The following HIPK2 variants were observed in gnomAD, a reference collection of about 807,000 sequenced individuals.
HIPK2 encodes the protein homeodomain-interacting protein kinase 2.
A neutral mutation model predicts 113.7 loss-of-function variants in HIPK2; 27 were observed. That is an observed-to-expected ratio of 0.24 (90% CI 0.17 to 0.33). The LOEUF is 0.33. Ranked by LOEUF, HIPK2 falls within the 10% of genes least tolerant of loss-of-function variation. The pLI, the probability that HIPK2 is intolerant of heterozygous loss-of-function variation, is 1.00. For missense variants in HIPK2, 1,257 were observed against 1,588.0 expected, an observed-to-expected ratio of 0.79 and a Z score of 3.54; for synonymous variants, 631 against 642.2, an observed-to-expected ratio of 0.98 and a Z score of 0.26.
chr7:139,727,322 C>T lies in HIPK2; in HGVS notation c.20-10307G>A, dbSNP rs963871863. 7.9e-5 allele frequency among the ~76,000 whole-genome samples: 12 copies of T among 152,174 alleles called. No individual in the cohort carries two copies. In the East Asian group the frequency reaches 2.3e-3, roughly 29 times the overall value. On this transcript the variant is annotated intron_variant, in intron 1 of 14. Transcript: ENST00000406875. Reference sequence around the variant, plus strand: ...GTGGCAGAGCCTGGCTGGGAATGAGCCAATAGCCCTCTTTTCCCACAGGGT... The same window carrying T: ...GTGGCAGAGCCTGGCTGGGAATGAGTCAATAGCCCTCTTTTCCCACAGGGT...
intron 1 of HIPK2, among the ~76,000 whole-genome samples, chr7:139,725,123 C>T (rs374879135): frequency 2.6e-5 from 4 of 152,160 alleles, no homozygotes; most frequent in Non-Finnish European, 2.9e-5. Flanking sequence ...TCTAAGACAT[C>T]GTCACCGACC....
intron 1 of HIPK2, among the ~76,000 whole-genome samples, chr7:139,747,577 A>G (rs1467255800): frequency 6.6e-6 from 1 of 152,176 alleles, no homozygotes; most frequent in African/African-American, 2.4e-5. Flanking sequence ...GCCTCACATT[A>G]AGCATCTCTT....
At chr7:139,709,395 G>A (rs1463439687) in intron 2 of HIPK2, among the ~76,000 whole-genome samples, 2 of 152,192 alleles carry the variant, frequency 1.3e-5, no homozygotes, top group African/African-American at 4.8e-5. Flanking sequence ...ATCTGCACAA[G>A]CTATGCAATT....
At chr7:139,596,440 TG>T (rs1799216435) in intron 12 of HIPK2, among the ~76,000 whole-genome samples, 1 of 152,260 alleles carries the variant, frequency 6.6e-6, no homozygotes, top group South Asian at 2.1e-4. Context: ...TGGCATTGTG[TG>T]CCCGATTTTT....
At chr7:139,662,871 G>A (rs954110113) in intron 2 of HIPK2, among the ~76,000 whole-genome samples, 1 of 151,974 alleles carries the variant, frequency 6.6e-6, no homozygotes, top group Non-Finnish European at 1.5e-5. Context: ...TGCCTGCCTC[G>A]GCCTCCCAAA....
At chr7:139,751,054 T>C (rs1796270339) in intron 1 of HIPK2, among the ~76,000 whole-genome samples, 1 of 152,226 alleles carries the variant, frequency 6.6e-6, no homozygotes, top group Non-Finnish European at 1.5e-5. Context: ...AATTCTTTTA[T>C]GTATCATATG....
intron 2 of HIPK2, among the ~76,000 whole-genome samples, chr7:139,710,342 T>C (rs1324458990): frequency 6.6e-6 from 1 of 152,206 alleles, no homozygotes; most frequent in Non-Finnish European, 1.5e-5. Context: ...CCATGACCCC[T>C]AGACTTCCCC....
chr7:139,657,778 A>T (rs530108891), intron 2 of HIPK2, among the ~76,000 whole-genome samples: 1 of 152,218 alleles, frequency 6.6e-6, no homozygotes, highest in Non-Finnish European at 1.5e-5. Flanking sequence ...ACAAAAACAA[A>T]AACAGAAACA....
intron 2 of HIPK2, among the ~76,000 whole-genome samples, chr7:139,680,705 G>C (rs1352332317): frequency 1.3e-5 from 2 of 152,244 alleles, no homozygotes; most frequent in Admixed American, 6.5e-5. Flanking sequence ...TCTGTGGCAT[G>C]TGTGTGTTCA....
At chr7:139,623,436 G>A (rs1800308460) in intron 6 of HIPK2, among the ~76,000 whole-genome samples, 1 of 151,260 alleles carries the variant, frequency 6.6e-6, no homozygotes, top group South Asian at 2.1e-4. Flanking sequence ...CTTGAACCTG[G>A]GAGGTGGAAG....
chr7:139,674,180 G>T (rs553954534), intron 2 of HIPK2, among the ~76,000 whole-genome samples: 1 of 152,134 alleles, frequency 6.6e-6, no homozygotes, highest in Non-Finnish European at 1.5e-5. Context: ...AATGTTGTGC[G>T]GCACTTTTTA....
chr7:139,763,809 G>C (rs1398398716), intron 1 of HIPK2, among the ~76,000 whole-genome samples: 4 of 152,252 alleles, frequency 2.6e-5, no homozygotes, highest in Non-Finnish European at 5.9e-5. Context: ...CAGCAAAAAA[G>C]TTGCGCTGGT....
chr7:139,758,803 G>T (rs893330166), intron 1 of HIPK2, among the ~76,000 whole-genome samples: 1 of 152,142 alleles, frequency 6.6e-6, no homozygotes, highest in African/African-American at 2.4e-5. Context: ...GGCCAAAAAG[G>T]CTAGGAACTG....
chr7:139,641,061 G>C (rs1210536233), intron 2 of HIPK2, among the ~76,000 whole-genome samples: 1 of 151,990 alleles, frequency 6.6e-6, no homozygotes, highest in Non-Finnish European at 1.5e-5. Context: ...CTACCACCTA[G>C]CTTTAGAAAT....
chr7:139,773,618 GGAGA>G (rs145176496), intron 1 of HIPK2, among the ~76,000 whole-genome samples: 3 of 152,038 alleles, frequency 2.0e-5, no homozygotes, highest in Admixed American at 6.6e-5. Flanking sequence ...TGGGAGGAAG[GGAGA>G]GAGAGAGAGA....
chr7:139,645,709 G>A (rs374398530), intron 2 of HIPK2, among the ~76,000 whole-genome samples: 1 of 152,122 alleles, frequency 6.6e-6, no homozygotes, highest in Non-Finnish European at 1.5e-5. Flanking sequence ...CTCTGGAGAC[G>A]TGCACGCCAT....
intron 1 of HIPK2, among the ~76,000 whole-genome samples, chr7:139,762,886 T>C (rs1018616869): frequency 1.3e-5 from 2 of 152,052 alleles, no homozygotes; most frequent in East Asian, 1.9e-4. Flanking sequence ...TTCATGAAAA[T>C]TGTTAAGTGT....
chr7:139,634,597 G>C (rs576461104), intron 2 of HIPK2, among the ~76,000 whole-genome samples: 44 of 151,260 alleles, frequency 2.9e-4, no homozygotes, highest in African/African-American at 1.0e-3. Flanking sequence ...GTTGCCTCTA[G>C]CAGTGCCTTT....
intron 1 of HIPK2, 126 bp from the exon 2 acceptor site, chr7:139,717,141 A>G: frequency 8.2e-7 from 1 of 1,224,820 alleles, no homozygotes; most frequent in South Asian, 1.6e-5. Context: ...ACTTGAAAAC[A>G]AGGTTGAAAA....
Sources: allele counts gnomAD v4.1 joint callset (sites outside exome capture counted in the v4.1 genomes callset), GRCh38; gene constraint gnomAD v4.1.1; transcripts MANE v1.5; gene names NCBI Gene and HGNC (gene_info 2026-07-23, HGNC 2026-07-21).